VWA3B: variants seen among roughly 807,000 people sequenced by gnomAD.
VWA3B encodes von Willebrand factor A domain-containing protein 3B.
Under a neutral mutation model 158.3 loss-of-function variants are expected in VWA3B, and 138 were observed. That is an observed-to-expected ratio of 0.87 (90% confidence interval 0.76 to 1.00). The LOEUF is 1.00. Among genes scored for constraint, VWA3B ranks in the 50% least tolerant of loss-of-function variants. The pLI is 0.00. For missense variants in VWA3B, 1,555 were observed against 1,565.1 expected (o/e 0.99, Z 0.11); for synonymous variants, 596 against 587.3 (o/e 1.01, Z -0.21).
rs1345937089 is a variant in VWA3B at position 98,266,504 on chromosome 2, G to A, written c.2844-4178G>A. ...TGATGCCTCCAGCTTTGTTCTTTTGGCTTAGGATTGACTTGGCGATGCGGG... is the reference window on the plus strand; with the variant it reads ...TGATGCCTCCAGCTTTGTTCTTTTGACTTAGGATTGACTTGGCGATGCGGG... On this transcript the variant is annotated intron_variant, in intron 21 of 27. Coordinates refer to ENST00000477737, the MANE Select transcript of VWA3B (RefSeq NM_144992.5). Among the ~76,000 whole-genome samples, 9 of 150,036 alleles carry A rather than the reference G, an allele frequency of 6.0e-5. No homozygotes were observed. The East Asian group carries it at 1.8e-3, about 29-fold the overall frequency.
At chr2:98,266,066 A>AT (rs1315449174) in intron 21 of VWA3B, among the ~76,000 whole-genome samples, 28 of 148,814 alleles carry the variant, frequency 1.9e-4, no homozygotes, top group Middle Eastern at 3.5e-3. Context: ...CCATTTGTCA[A>AT]TTTTTTCTTT....
At chr2:98,163,486 C>T (rs374243584) in intron 8 of VWA3B, among the ~76,000 whole-genome samples, 2 of 152,052 alleles carry the variant, frequency 1.3e-5, no homozygotes, top group Non-Finnish European at 2.9e-5. Flanking sequence ...CACAGTGAGC[C>T]GAGATCGTGC....
chr2:98,330,092 A>T, the VWA3B span, among the ~76,000 whole-genome samples: 1 of 152,208 alleles, frequency 6.6e-6, no homozygotes, highest in Non-Finnish European at 1.5e-5. Context: ...TGCTGCTCTC[A>T]CGTGGGTCTC....
intron 2 of VWA3B, among the ~76,000 whole-genome samples, chr2:98,113,264 G>A (rs938773448): frequency 6.6e-6 from 1 of 151,982 alleles, no homozygotes; most frequent in Non-Finnish European, 1.5e-5. Context: ...GGGTTGTATA[G>A]TTTTCCTTTG....
At chr2:98,256,066 T>C in intron 20 of VWA3B, 58 bp from the exon 21 acceptor site, 1 of 1,599,316 alleles carries the variant, frequency 6.3e-7, no homozygotes, top group South Asian at 1.1e-5. Context: ...GGGGTTAACC[T>C]TTTGCCATGA....
intron 23 of VWA3B, 79 bp from the exon 24 acceptor site, chr2:98,297,828 T>C: frequency 2.8e-6 from 4 of 1,406,218 alleles, no homozygotes; most frequent in Non-Finnish European, 3.7e-6. Flanking sequence ...TAACTCAGCA[T>C]GGCCAGAAAG....
At chr2:98,255,929 C>T (rs1053260340) in intron 20 of VWA3B, among the ~76,000 whole-genome samples, 195 bp from the exon 21 acceptor site, 1 of 152,072 alleles carries the variant, frequency 6.6e-6, no homozygotes, top group African/African-American at 2.4e-5. Flanking sequence ...TAATATTTGA[C>T]GCAATTGCCA....
At chr2:98,275,161 G>A (rs1203589729) in intron 22 of VWA3B, among the ~76,000 whole-genome samples, 1 of 152,224 alleles carries the variant, frequency 6.6e-6, no homozygotes, top group East Asian at 1.9e-4. Context: ...GGTGCTCCCA[G>A]AGCCTAGAAT....
At chr2:98,234,550 G>A in intron 16 of VWA3B, 98 bp from the exon 17 acceptor site, 1 of 1,537,054 alleles carries the variant, frequency 6.5e-7, no homozygotes, top group Non-Finnish European at 8.8e-7. Flanking sequence ...AACAAAGGTT[G>A]CATTCTTACT....
chr2:98,214,778 C>T (rs1027374981), intron 13 of VWA3B, among the ~76,000 whole-genome samples: 3 of 152,140 alleles, frequency 2.0e-5, no homozygotes, highest in African/African-American at 4.8e-5. Flanking sequence ...GATACGCAGT[C>T]GGATTGTTTT....
intron 23 of VWA3B, among the ~76,000 whole-genome samples, chr2:98,294,370 T>C (rs1054333671): frequency 1.3e-5 from 2 of 152,166 alleles, no homozygotes; most frequent in African/African-American, 2.4e-5. Context: ...GAAGGCAAGA[T>C]TGGAGTCACT....
intron 19 of VWA3B, among the ~76,000 whole-genome samples, chr2:98,243,520 G>A (rs1686210654): frequency 6.6e-6 from 1 of 152,054 alleles, no homozygotes; most frequent in African/African-American, 2.4e-5. Context: ...ATTTTTAGTA[G>A]AGATGGGGTT....
At chr2:98,243,432 C>G (rs942556930) in intron 19 of VWA3B, among the ~76,000 whole-genome samples, 32 of 152,040 alleles carry the variant, frequency 2.1e-4, no homozygotes, top group African/African-American at 6.5e-4. Flanking sequence ...CTCCCGGGTT[C>G]AAGCAATTCT....
rs537071716 is a variant in VWA3B at position 98,185,727 on chromosome 2, T to G, written c.1312-2248T>G. 7.9e-5 allele frequency among the ~76,000 whole-genome samples: 12 copies of G among 152,364 alleles called. No individual in the cohort carries two copies. In the South Asian group the frequency reaches 2.5e-3, roughly 32 times the overall value. On this transcript the variant is annotated intron_variant, in intron 9 of 27. Coordinates refer to ENST00000477737, the MANE Select transcript of VWA3B (RefSeq NM_144992.5). The stretch of plus-strand genomic sequence containing the variant: ...CTCCCAGGCCGAATTGTCCTTGTCC[T>G]GTCTAAGGCCATTCACTGCACAGAT...
chr2:98,209,268 TG>T (rs1406747825), intron 12 of VWA3B, among the ~76,000 whole-genome samples: 1 of 152,154 alleles, frequency 6.6e-6, no homozygotes, highest in Non-Finnish European at 1.5e-5. Context: ...TAACCAAATT[TG>T]TTTTTTTGTT....
chr2:98,276,154 C>T (rs17427608), intron 22 of VWA3B, among the ~76,000 whole-genome samples: 20,418 of 152,184 alleles, frequency 0.13, 2,087 homozygotes, highest in Non-Finnish European at 0.2. Context: ...GTGACTTCTC[C>T]TCAGAGATCT....
intron 26 of VWA3B, among the ~76,000 whole-genome samples, chr2:98,305,302 G>A (rs760759217): frequency 5.3e-5 from 8 of 152,180 alleles, no homozygotes; most frequent in Non-Finnish European, 1.0e-4. Context: ...TGGGCCTGGA[G>A]GCAGGTTTTT....
At chr2:98,268,844 C>T (rs567319285) in intron 21 of VWA3B, among the ~76,000 whole-genome samples, 2 of 152,176 alleles carry the variant, frequency 1.3e-5, no homozygotes, top group Admixed American at 1.3e-4. Flanking sequence ...TACTTTGGAG[C>T]GTAAGTCAAA....
Position 98,110,089 on chromosome 2 carries a change from T to C in VWA3B, c.197-5563T>C, listed in dbSNP as rs572575177. ...CTTATGTCTTTGAATTCTTTTTTTT[T>C]TTCTTCTTTTTCTTCCCCCTACCCT... On this transcript the variant is annotated intron_variant, in intron 2 of 27. Transcript: ENST00000477737. Among the ~76,000 whole-genome samples, 4 of 151,764 alleles carry C rather than the reference T, an allele frequency of 2.6e-5. No homozygotes were observed. The South Asian group carries it at 8.3e-4, about 32-fold the overall frequency.
Sources: allele counts gnomAD v4.1 joint callset (sites outside exome capture counted in the v4.1 genomes callset), GRCh38; gene constraint gnomAD v4.1.1; transcripts MANE v1.5; gene names NCBI Gene and HGNC (gene_info 2026-07-23, HGNC 2026-07-21).